Variants in CMIP observed in about 807,000 individuals in gnomAD.
CMIP encodes c-Maf inducing protein.
In CMIP, 13 loss-of-function variants were observed where a neutral mutation model predicts 97.3. The ratio of observed to expected loss-of-function variants is 0.13; its 90% confidence interval spans 0.09 to 0.21. The LOEUF is 0.21. CMIP is among the 10% of genes least tolerant of loss of function. CMIP has a pLI of 1.00. For missense variants in CMIP, 847 were observed against 1,024.9 expected, an observed-to-expected ratio of 0.83 and a Z score of 2.37; for synonymous variants, 538 against 436.3, an observed-to-expected ratio of 1.23 and a Z score of -2.91.
intron 1 of CMIP, among the ~76,000 whole-genome samples, chr16:81,603,912 C>G (rs551650470): frequency 6.6e-6 from 1 of 152,308 alleles, no homozygotes; most frequent in South Asian, 2.1e-4. Flanking sequence ...TCTGGTAATG[C>G]TCCCAGGAAT....
Position 81,668,147 on chromosome 16 carries a change from G to T in CMIP, c.826-1995G>T, listed in dbSNP as rs1262571150. Among the ~76,000 whole-genome samples, 7 of 152,106 alleles carry T rather than the reference G, an allele frequency of 4.6e-5. No homozygotes were observed. In the East Asian group the frequency reaches 1.4e-3, roughly 29 times the overall value. On this transcript the variant is annotated intron_variant, in intron 7 of 20. Coordinates refer to ENST00000537098, the MANE Select transcript of CMIP (RefSeq NM_198390.3). ...ACAGCTTGAAGTCCTGATGCAGGCT[G>T]CTCTCCTTAAAAAATGGGTTCCACT...
chr16:81,533,685 C>T (rs921082661), intron 1 of CMIP, among the ~76,000 whole-genome samples: 1 of 152,076 alleles, frequency 6.6e-6, no homozygotes. Context: ...CACCGTGTTG[C>T]CCAGGCTGGT....
intron 10 of CMIP, among the ~76,000 whole-genome samples, chr16:81,687,128 A>G (rs1212323526): frequency 6.6e-6 from 1 of 152,150 alleles, no homozygotes; most frequent in Non-Finnish European, 1.5e-5. Context: ...TTCTGCTCTG[A>G]AGCCGGTCAC....
At chr16:81,696,750 C>G in intron 14 of CMIP, 83 bp downstream of exon 14, 1 of 1,294,844 alleles carries the variant, frequency 7.7e-7, no homozygotes, top group African/African-American at 1.5e-5. Context: ...CGTCCCCCAT[C>G]CCCTGGGGCC....
intron 1 of CMIP, among the ~76,000 whole-genome samples, chr16:81,507,077 C>G (rs2089723352): frequency 6.6e-6 from 1 of 151,892 alleles, no homozygotes; most frequent in Admixed American, 6.6e-5. Context: ...ATGGTGAAAC[C>G]TCATCTGTAC....
intron 1 of CMIP, among the ~76,000 whole-genome samples, chr16:81,575,164 C>T (rs1160096282): frequency 1.3e-5 from 2 of 152,220 alleles, no homozygotes; most frequent in Non-Finnish European, 2.9e-5. Flanking sequence ...TCAACCTTCA[C>T]AACAAATGTA....
intron 3 of CMIP, among the ~76,000 whole-genome samples, chr16:81,646,477 G>A (rs1030775865): frequency 2.6e-5 from 4 of 152,170 alleles, no homozygotes; most frequent in African/African-American, 9.7e-5. Context: ...TTAAAAAATA[G>A]CATTATTGAA....
At chr16:81,554,188 A>T (rs944088273) in intron 1 of CMIP, among the ~76,000 whole-genome samples, 1 of 152,240 alleles carries the variant, frequency 6.6e-6, no homozygotes, top group Non-Finnish European at 1.5e-5. Flanking sequence ...ATGTATGTTG[A>T]GGGGAGTCTA....
intron 20 of CMIP, among the ~76,000 whole-genome samples, chr16:81,709,520 G>A (rs547419637): frequency 6.6e-6 from 1 of 152,292 alleles, no homozygotes; most frequent in East Asian, 1.9e-4. Context: ...TGAGGCGGGG[G>A]CATGGGAACC....
intron 3 of CMIP, chr16:81,630,890 G>C (rs751071693): frequency 3.9e-5 from 6 of 152,302 alleles, no homozygotes; most frequent in Non-Finnish European, 5.9e-5. Flanking sequence ...GGGGCCCTCA[G>C]TGGGAGGTGC....
intron 10 of CMIP, among the ~76,000 whole-genome samples, chr16:81,684,027 C>CTAGG (rs1905144776): frequency 6.6e-6 from 1 of 151,972 alleles, no homozygotes; most frequent in Admixed American, 6.6e-5. Flanking sequence ...TCCCAAAGTG[C>CTAGG]TAGGATTACA....
intron 14 of CMIP, among the ~76,000 whole-genome samples, chr16:81,698,519 A>G (rs2317418): frequency 0.2 from 30,819 of 152,028 alleles, 3,169 homozygotes; most frequent in African/African-American, 0.21. Context: ...AGAAGTTTCT[A>G]CGTGGTTCCA....
chr16:81,500,337 C>CCCTCCCTCCCTCTCTCCTTT (rs2089581887), intron 1 of CMIP, among the ~76,000 whole-genome samples: 1 of 88,474 alleles, frequency 1.1e-5, no homozygotes, highest in East Asian at 3.8e-4. Context: ...CTCTGTCCCT[C>CCCTCCCTCCCTCTCTCCTTT]CCTCCCTCCC....
intron 1 of CMIP, among the ~76,000 whole-genome samples, chr16:81,593,818 C>G (rs1430101615): frequency 6.6e-6 from 1 of 152,188 alleles, no homozygotes; most frequent in African/African-American, 2.4e-5. Context: ...GCAGCATAAT[C>G]ATAGTTACCT....
At chr16:81,647,614 C>T (rs1183344301) in intron 3 of CMIP, among the ~76,000 whole-genome samples, 1 of 152,120 alleles carries the variant, frequency 6.6e-6, no homozygotes, top group Non-Finnish European at 1.5e-5. Context: ...CCCCACCTGG[C>T]AAAGCGCACT....
chr16:81,581,282 G>A (rs7199288), intron 1 of CMIP, among the ~76,000 whole-genome samples: 171 of 152,290 alleles, frequency 1.1e-3, no homozygotes, highest in Non-Finnish European at 2.2e-3. Context: ...ATGGGGATAC[G>A]TTCCGGGAAG....
In CMIP at chr16:81,609,666, G is replaced by A. The variant is rs558702225; in HGVS notation, c.426+1974G>A. 4.6e-5 allele frequency among the ~76,000 whole-genome samples: 7 copies of A among 152,364 alleles called. No homozygotes were observed. The East Asian group carries it at 1.4e-3, about 29-fold the overall frequency. On this transcript the variant is annotated intron_variant, in intron 2 of 20. Coordinates refer to ENST00000537098, the MANE Select transcript of CMIP (RefSeq NM_198390.3). Reference sequence around the variant, plus strand: ...CTGGGGGGCCAAAGCAGGCTCCCCAGACAGGGGGCATTTGAACTGGGTGTA... The same window carrying A: ...CTGGGGGGCCAAAGCAGGCTCCCCAAACAGGGGGCATTTGAACTGGGTGTA...
intron 1 of CMIP, among the ~76,000 whole-genome samples, chr16:81,459,427 T>C (rs968910344): frequency 6.6e-6 from 1 of 152,084 alleles, no homozygotes; most frequent in Admixed American, 6.5e-5. Context: ...GCACCATTAT[T>C]TGGAATGGGC....
chr16:81,495,350 G>A (rs1016543874), intron 1 of CMIP: 3 of 1,482,004 alleles, frequency 2.0e-6, no homozygotes, highest in Admixed American at 4.6e-5. Flanking sequence ...CGACCCACAG[G>A]CTTCTTGGAT....
Sources: gnomAD v4.1 joint callset for allele counts (sites outside exome capture counted in the v4.1 genomes callset) on GRCh38, gnomAD v4.1.1 for gene constraint, MANE v1.5 for transcripts, NCBI Gene and HGNC (gene_info 2026-07-23, HGNC 2026-07-21) for gene names.